NEGR1: variants seen among roughly 807,000 people sequenced by gnomAD.
NEGR1 encodes the protein IgLON family member 4.
A neutral mutation model predicts 40.9 loss-of-function variants in NEGR1; 10 were observed. The ratio of observed to expected loss-of-function variants is 0.24; its 90% confidence interval spans 0.15 to 0.42. NEGR1 has a LOEUF of 0.42. NEGR1 is among the 10% of genes least tolerant of loss of function. The pLI is 1.00. For synonymous variants in NEGR1, 185 were observed against 166.8 expected (o/e 1.11, Z -0.84); for missense variants, 352 against 438.9 (o/e 0.80, Z 1.77).
At chr1:72,177,654 C>A (rs1652224398) in intron 1 of NEGR1, among the ~76,000 whole-genome samples, 1 of 151,882 alleles carries the variant, frequency 6.6e-6, no homozygotes, top group African/African-American at 2.4e-5. Flanking sequence ...TTTAGAAAAA[C>A]AACACCACCA....
intron 2 of NEGR1, among the ~76,000 whole-genome samples, chr1:71,833,499 A>T (rs899129592): frequency 5.9e-5 from 9 of 152,088 alleles, no homozygotes; most frequent in Admixed American, 2.6e-4. Flanking sequence ...GGGGGAAAAA[A>T]GTATTTTTAT....
intron 3 of NEGR1, among the ~76,000 whole-genome samples, chr1:71,742,749 GGACTTTA>G (rs1195802453): frequency 3.3e-5 from 5 of 152,176 alleles, no homozygotes; most frequent in South Asian, 4.2e-4. Flanking sequence ...ATGAAATTTT[GGACTTTA>G]GACTTTAGTG....
At chr1:72,192,011 A>T (rs1290419232) in intron 1 of NEGR1, among the ~76,000 whole-genome samples, 2 of 151,970 alleles carry the variant, frequency 1.3e-5, no homozygotes, top group Non-Finnish European at 2.9e-5. Flanking sequence ...ATATAAAATT[A>T]TAGTCTTTAC....
In NEGR1 at chr1:71,998,803, T is replaced by C. The variant is rs148840358; in HGVS notation, c.177-63492A>G. 1.3e-4 allele frequency among the ~76,000 whole-genome samples: 20 copies of C among 151,630 alleles called. 1 individual carries two copies. In the East Asian group the frequency reaches 1.9e-3, roughly 15 times the overall value. Reference sequence around the variant, plus strand: ...TTGGATGTATTATATAATATTTACATACAATGTTGATATATAAAATGAATA... The same window carrying C: ...TTGGATGTATTATATAATATTTACACACAATGTTGATATATAAAATGAATA... On this transcript the variant is annotated intron_variant, in intron 1 of 6. Coordinates refer to ENST00000357731, the MANE Select transcript of NEGR1 (RefSeq NM_173808.3).
intron 1 of NEGR1, among the ~76,000 whole-genome samples, chr1:72,076,094 A>C (rs1647719611): frequency 6.6e-6 from 1 of 152,216 alleles, no homozygotes; most frequent in Non-Finnish European, 1.5e-5. Flanking sequence ...TATAAGCCTG[A>C]TCAAGAAAAT....
intron 2 of NEGR1, among the ~76,000 whole-genome samples, chr1:71,890,146 G>A (rs1397393506): frequency 8.6e-4 from 118 of 137,422 alleles, no homozygotes; most frequent in African/African-American, 3.2e-3. Context: ...AGACTAGGAA[G>A]AAACTGCATC....
Position 71,856,699 on chromosome 1 carries a change from C to T in NEGR1, c.409+78380G>A, listed in dbSNP as rs1008586377. ...TTTTGTCCATGTTAACATTTATTGT[C>T]TGTCATTATGCTAATTGTTGCATAA... On this transcript the variant is annotated intron_variant, in intron 2 of 6. Coordinates refer to ENST00000357731, the MANE Select transcript of NEGR1 (RefSeq NM_173808.3). Among the ~76,000 whole-genome samples, 4 of 152,022 alleles carry T rather than the reference C, an allele frequency of 2.6e-5. No individual in the cohort carries two copies. In the South Asian group the frequency reaches 8.3e-4, roughly 31 times the overall value.
At chr1:72,110,846 C>G (rs1377879527) in intron 1 of NEGR1, among the ~76,000 whole-genome samples, 1 of 151,146 alleles carries the variant, frequency 6.6e-6, no homozygotes, top group African/African-American at 2.4e-5. Flanking sequence ...CATATAAATT[C>G]CGACAATTTA....
intron 1 of NEGR1, among the ~76,000 whole-genome samples, chr1:72,088,616 T>C (rs1648319417): frequency 6.6e-6 from 1 of 152,070 alleles, no homozygotes; most frequent in South Asian, 2.1e-4. Context: ...ATTCTTCCCG[T>C]TAAAATAGCA....
At chr1:72,134,013 A>C (rs899814454) in intron 1 of NEGR1, among the ~76,000 whole-genome samples, 4 of 151,928 alleles carry the variant, frequency 2.6e-5, no homozygotes, top group African/African-American at 7.2e-5. Context: ...CAGGAAAAAA[A>C]ATTAAGATGG....
At chr1:72,021,793 A>G (rs1292888387) in intron 1 of NEGR1, among the ~76,000 whole-genome samples, 1 of 152,200 alleles carries the variant, frequency 6.6e-6, no homozygotes, top group Non-Finnish European at 1.5e-5. Flanking sequence ...GGCAAATTCT[A>G]TAAGTCACTT....
At chr1:72,192,345 G>A (rs2100431147) in intron 1 of NEGR1, among the ~76,000 whole-genome samples, 1 of 151,846 alleles carries the variant, frequency 6.6e-6, no homozygotes, top group African/African-American at 2.4e-5. Flanking sequence ...ATGGCAAAAA[G>A]GCACTGCTCA....
chr1:71,576,575 G>T (rs1209299236), intron 6 of NEGR1, among the ~76,000 whole-genome samples: 2 of 152,148 alleles, frequency 1.3e-5, no homozygotes, highest in East Asian at 3.9e-4. Flanking sequence ...GCATCACAAA[G>T]GGGTAGACTG....
intron 2 of NEGR1, among the ~76,000 whole-genome samples, chr1:71,801,359 C>G (rs1305480568): frequency 6.6e-6 from 1 of 152,158 alleles, no homozygotes; most frequent in African/African-American, 2.4e-5. Flanking sequence ...ACTAAAAAGT[C>G]AAGAACTCTT....
intron 5 of NEGR1, among the ~76,000 whole-genome samples, chr1:71,602,600 CT>C (rs1649962566): frequency 6.6e-6 from 1 of 152,202 alleles, no homozygotes; most frequent in African/African-American, 2.4e-5. Context: ...GCTACTCATC[CT>C]TTGGCATCCA....
At chr1:71,592,118 A>G (rs2781156) in intron 6 of NEGR1, among the ~76,000 whole-genome samples, 1 of 151,922 alleles carries the variant, frequency 6.6e-6, no homozygotes, top group Non-Finnish European at 1.5e-5. Flanking sequence ...TGGCTGCAAC[A>G]ATTTGTTGGT....
At chr1:71,873,118 CAAA>C (rs34592789) in intron 2 of NEGR1, among the ~76,000 whole-genome samples, 2 of 81,842 alleles carry the variant, frequency 2.4e-5, no homozygotes, top group East Asian at 3.7e-4. Flanking sequence ...AAAGATGTAG[CAAA>C]AAAAAAAAAA....
intron 1 of NEGR1, among the ~76,000 whole-genome samples, chr1:72,061,467 G>C (rs1016666196): frequency 2.6e-5 from 4 of 151,616 alleles, no homozygotes; most frequent in African/African-American, 4.8e-5. Flanking sequence ...CTGATACATA[G>C]TATCATTTTC....
intron 4 of NEGR1, among the ~76,000 whole-genome samples, chr1:71,614,358 G>A (rs887165618): frequency 8.6e-5 from 13 of 151,574 alleles, no homozygotes; most frequent in East Asian, 3.9e-4. Flanking sequence ...ATACATATAC[G>A]TATATTCACA....
Sources: gnomAD v4.1 joint callset for allele counts (sites outside exome capture counted in the v4.1 genomes callset) on GRCh38, gnomAD v4.1.1 for gene constraint, MANE v1.5 for transcripts, NCBI Gene and HGNC (gene_info 2026-07-23, HGNC 2026-07-21) for gene names.